Variants in FOXN3 observed in about 807,000 individuals in gnomAD.
FOXN3 encodes forkhead box N3, also known as forkhead box protein N3.
A neutral mutation model predicts 38.4 loss-of-function variants in FOXN3; 7 were observed. The ratio of observed to expected loss-of-function variants is 0.18; its 90% CI spans 0.10 to 0.34. The LOEUF (loss-of-function observed/expected upper bound fraction) is 0.34, where lower values mean the gene tolerates loss of function less well. Ranked by LOEUF, FOXN3 falls within the 10% of genes least tolerant of loss-of-function variation. FOXN3 has a pLI of 1.00. For missense variants in FOXN3, 456 were observed against 613.4 expected (o/e 0.74, Z 2.71); for synonymous variants, 230 against 242.2 (o/e 0.95, Z 0.47).
intron 4 of FOXN3, among the ~76,000 whole-genome samples, chr14:89,268,564 T>C (rs1294193405): frequency 6.6e-6 from 1 of 152,190 alleles, no homozygotes; most frequent in African/African-American, 2.4e-5. Flanking sequence ...CAGCCACAGG[T>C]AGGGCAAGGA....
At chr14:89,363,960 A>ATATATATATATAT (rs1411702273) in intron 2 of FOXN3, among the ~76,000 whole-genome samples, 1 of 11,290 alleles carries the variant, frequency 8.9e-5, no homozygotes, top group African/African-American at 1.9e-4. Context: ...ATATATATAT[A>ATATATATATATAT]TATATATATA....
intron 1 of FOXN3, among the ~76,000 whole-genome samples, chr14:89,427,301 C>CTCT (rs1892058164): frequency 1.5e-5 from 1 of 67,744 alleles, no homozygotes; most frequent in Admixed American, 2.4e-4. Context: ...GAAAAGGGGA[C>CTCT]TTTTTTTTTT....
chr14:89,164,605 G>T lies in FOXN3; in HGVS notation c.852-1636C>A, dbSNP rs920262233. The stretch of plus-strand genomic sequence containing the variant: ...GCCCCCAGTGGCTATCGCCGTGTCA[G>T]CACGGTGGACACAGCAGATAAACTG... On this transcript the variant is annotated intron_variant, in intron 5 of 5. Transcript: ENST00000557258. This position sits in a 1 kb window ranked among gnomAD's most constrained non-coding sequence, Gnocchi z 4.3. Among the ~76,000 whole-genome samples the T allele has an allele frequency of 2.0e-5, 3 of 152,196 alleles. No individual in the cohort carries two copies. The highest frequency in any genetic ancestry group is 6.5e-5 in the Admixed American group (1 of 15,284).
chr14:89,534,530 T>G (rs1401331458), intron 1 of FOXN3, among the ~76,000 whole-genome samples: 3 of 152,202 alleles, frequency 2.0e-5, no homozygotes, highest in African/African-American at 7.2e-5. Context: ...TGCTCCAACG[T>G]CTGCCGGTGC....
At chr14:89,363,934 A>G (rs889229714) in intron 2 of FOXN3, among the ~76,000 whole-genome samples, 1 of 136,864 alleles carries the variant, frequency 7.3e-6, no homozygotes, top group Admixed American at 7.0e-5. Flanking sequence ...ACTGAGCAAG[A>G]CCCTGTCTGT....
At chr14:89,530,318 G>T (rs1894530264) in intron 1 of FOXN3, among the ~76,000 whole-genome samples, 1 of 152,184 alleles carries the variant, frequency 6.6e-6, no homozygotes, top group African/African-American at 2.4e-5. Context: ...GACAATCATG[G>T]TGGAAGGCAA....
intron 4 of FOXN3, among the ~76,000 whole-genome samples, chr14:89,189,370 G>C (rs1887887154): frequency 6.6e-6 from 1 of 152,220 alleles, no homozygotes; most frequent in Non-Finnish European, 1.5e-5. Context: ...AACCCAAAAT[G>C]AGCTGAAGGC....
chr14:89,173,134 G>T (rs1212781896), intron 5 of FOXN3, among the ~76,000 whole-genome samples: 1 of 152,094 alleles, frequency 6.6e-6, no homozygotes, highest in Non-Finnish European at 1.5e-5. Context: ...GAACCCAGTA[G>T]AAAAATGAGC....
intron 1 of FOXN3, among the ~76,000 whole-genome samples, chr14:89,478,374 T>A (rs1179526272): frequency 6.6e-6 from 1 of 152,160 alleles, no homozygotes; most frequent in Non-Finnish European, 1.5e-5. Flanking sequence ...AGTGCAAGAA[T>A]GGACTAATAC....
intron 1 of FOXN3, among the ~76,000 whole-genome samples, chr14:89,455,827 G>C (rs954334803): frequency 6.6e-6 from 1 of 152,112 alleles, no homozygotes; most frequent in African/African-American, 2.4e-5. Context: ...AATTGTACTT[G>C]CCTGTTAATA....
At position 89,463,782 on chromosome 14, in the gene FOXN3, CTCT is replaced by C. The variant is rs1028359015; in HGVS notation, c.-14-51295_-14-51293del. Among the ~76,000 whole-genome samples the C allele has an allele frequency of 7.3e-5, 9 of 123,840 alleles. No homozygotes were observed. The East Asian group carries it at 8.1e-4, about 11-fold the overall frequency. The allele number at this position is 123,840 out of a possible 152,430, so 81.2% of individuals were successfully genotyped here. A position where few individuals can be genotyped will look rare whatever the true frequency, so the allele number is the denominator to read the frequency against. On this transcript the variant is annotated intron_variant, in intron 1 of 6. Transcript: ENST00000345097. ...GATATGCAGGGGTAGTGGTCTCTCT[CTCT>C]TTTTTTTTTTTTTTTTGAGATGGAG...
At chr14:89,460,524 G>C (rs926038130) in intron 1 of FOXN3, among the ~76,000 whole-genome samples, 6 of 152,114 alleles carry the variant, frequency 3.9e-5, no homozygotes, top group Non-Finnish European at 8.8e-5. Context: ...TCACTCTGCC[G>C]GGGAGGAGGA....
intron 1 of FOXN3, among the ~76,000 whole-genome samples, chr14:89,547,075 A>C (rs1161458647): frequency 6.6e-6 from 1 of 152,096 alleles, no homozygotes. Context: ...GAGAGTCACC[A>C]CACCAGCCCT....
At chr14:89,384,899 C>T (rs1271842578) in intron 2 of FOXN3, among the ~76,000 whole-genome samples, 1 of 152,142 alleles carries the variant, frequency 6.6e-6, no homozygotes, top group South Asian at 2.1e-4. Flanking sequence ...GGTTGCTGTA[C>T]GTGTTGTAAA....
At chr14:89,527,453 G>C (rs1311441171) in intron 1 of FOXN3, among the ~76,000 whole-genome samples, 2 of 152,182 alleles carry the variant, frequency 1.3e-5, no homozygotes, top group Non-Finnish European at 2.9e-5. Context: ...AACAGATTGT[G>C]ATAAAATATT....
intron 3 of FOXN3, among the ~76,000 whole-genome samples, chr14:89,294,220 G>A (rs548314611): frequency 1.3e-5 from 2 of 152,186 alleles, no homozygotes; most frequent in South Asian, 2.1e-4. Context: ...ACAGCAGGCC[G>A]CCCTGCCTGA....
At chr14:89,291,149 G>A (rs1156289993) in intron 3 of FOXN3, 18 of 501,698 alleles carry the variant, frequency 3.6e-5, no homozygotes, top group South Asian at 1.2e-4. Flanking sequence ...TCTCGTTGAC[G>A]TAAGTACCCA....
intron 3 of FOXN3, among the ~76,000 whole-genome samples, chr14:89,309,426 G>A (rs548331702): frequency 6.6e-6 from 1 of 152,296 alleles, no homozygotes; most frequent in South Asian, 2.1e-4. Flanking sequence ...TCCATGACAC[G>A]GGTGGCCTCT....
chr14:89,611,642 T>TA (rs573945355), intron 1 of FOXN3, among the ~76,000 whole-genome samples: 2,084 of 152,030 alleles, frequency 0.014, 19 homozygotes, highest in Non-Finnish European at 0.022. Flanking sequence ...CCGTCTCTAC[T>TA]AAAAATACAA....
Sources: gnomAD v4.1 joint callset for allele counts (sites outside exome capture counted in the v4.1 genomes callset) on GRCh38, gnomAD v4.1.1 for gene constraint, Gnocchi (gnomAD v3.1) non-coding constraint, MANE v1.5 for transcripts, NCBI Gene and HGNC (gene_info 2026-07-23, HGNC 2026-07-21) for gene names.